HS3ST4: variants seen among roughly 807,000 people sequenced by gnomAD.
HS3ST4 encodes heparan sulfate-glucosamine 3-sulfotransferase 4.
HS3ST4 carries 17 observed loss-of-function variants against 29.2 expected under a neutral mutation model. The observed-to-expected ratio is 0.58, with a 90% CI of 0.40 to 0.87. The LOEUF is 0.87. Ranked by LOEUF, HS3ST4 falls within the 40% of genes least tolerant of loss-of-function variation. HS3ST4 has a pLI of 0.00. For missense variants in HS3ST4, 627 were observed against 634.5 expected (o/e 0.99, Z 0.13); for synonymous variants, 314 against 285.7 (o/e 1.10, Z -1.00).
intron 1 of HS3ST4, among the ~76,000 whole-genome samples, chr16:25,976,163 G>A (rs1385889822): frequency 6.6e-6 from 1 of 152,146 alleles, no homozygotes; most frequent in African/African-American, 2.4e-5. Context: ...TATTAATTAG[G>A]TTAAAAACGT....
Position 25,828,242 on chromosome 16 carries a change from C to CTCTTTCTT in HS3ST4, c.734+135142_734+135149dup, listed in dbSNP as rs1174433355. 4.2e-3 allele frequency among the ~76,000 whole-genome samples: 312 copies of CTCTTTCTT among 74,920 alleles called. 3 individuals are homozygous for CTCTTTCTT. Among genetic ancestry groups the CTCTTTCTT allele is most frequent in the South Asian group, 0.011 (20 of 1,744 alleles). The allele number at this position is 74,920 out of a possible 152,430, so 49.2% of individuals were successfully genotyped here. On this transcript the variant is annotated intron_variant, in intron 1 of 1. Coordinates refer to ENST00000331351, the MANE Select transcript of HS3ST4 (RefSeq NM_006040.3). ...CTTTCCTTTCTTTCTTTCTTTCTTT[C>CTCTTTCTT]TCTTTCTTTCTTTCTTTCTTTCTTT...
At chr16:26,095,473 C>T (rs1291895032) in intron 1 of HS3ST4, among the ~76,000 whole-genome samples, 8 of 152,176 alleles carry the variant, frequency 5.3e-5, no homozygotes, top group African/African-American at 1.2e-4. Flanking sequence ...CACTCAAAAT[C>T]GCACAACTAC....
intron 1 of HS3ST4, among the ~76,000 whole-genome samples, chr16:25,817,459 T>A (rs981303155): frequency 6.6e-6 from 1 of 152,204 alleles, no homozygotes; most frequent in Admixed American, 6.5e-5. Flanking sequence ...ATAGATAATA[T>A]GTAAATGAAT....
At chr16:25,889,118 A>T in intron 1 of HS3ST4, among the ~76,000 whole-genome samples, 1 of 152,174 alleles carries the variant, frequency 6.6e-6, no homozygotes, top group East Asian at 1.9e-4. Context: ...TCCCACTTCA[A>T]TATGCGCCAC....
intron 1 of HS3ST4, among the ~76,000 whole-genome samples, chr16:25,833,215 G>T (rs1967323143): frequency 6.6e-6 from 1 of 152,140 alleles, no homozygotes; most frequent in Non-Finnish European, 1.5e-5. Flanking sequence ...CATTGAAGTT[G>T]CATGCCCCTA....
At chr16:25,766,020 C>T (rs1966816848) in intron 1 of HS3ST4, among the ~76,000 whole-genome samples, 2 of 152,060 alleles carry the variant, frequency 1.3e-5, no homozygotes, top group Admixed American at 1.3e-4. Flanking sequence ...AGTCGGAAAT[C>T]CCAGAATGAT....
chr16:25,967,761 G>A (rs997151955), intron 1 of HS3ST4, among the ~76,000 whole-genome samples: 8 of 152,198 alleles, frequency 5.3e-5, no homozygotes, highest in African/African-American at 1.9e-4. Flanking sequence ...GCCTGGTGGT[G>A]GAGCTGGAAC....
At position 25,930,252 on chromosome 16, in the gene HS3ST4, G is replaced by A. The variant is rs1387875533; in HGVS notation, c.735-205360G>A. Among the ~76,000 whole-genome samples the A allele has an allele frequency of 2.6e-5, 4 of 152,260 alleles. No individual in the cohort carries two copies. In the South Asian group the frequency reaches 6.2e-4, roughly 24 times the overall value. ...AAATTTGCAAAGCTGCATGGAAGTG[G>A]CCTCACCTAAAGGATATAACTGTTT... On this transcript the variant is annotated intron_variant, in intron 1 of 1. Transcript: ENST00000331351.
chr16:26,086,372 C>T (rs1348158298), intron 1 of HS3ST4, among the ~76,000 whole-genome samples: 1 of 148,076 alleles, frequency 6.8e-6, no homozygotes, highest in Non-Finnish European at 1.5e-5. Context: ...TTTTTTGAGA[C>T]AGAGTCTTGC....
At chr16:26,060,085 A>G (rs909737251) in intron 1 of HS3ST4, among the ~76,000 whole-genome samples, 4 of 152,040 alleles carry the variant, frequency 2.6e-5, no homozygotes, top group Admixed American at 2.0e-4. Flanking sequence ...GCCTATTACT[A>G]TTATTTTTAC....
chr16:26,030,501 G>A (rs1453232048), intron 1 of HS3ST4, among the ~76,000 whole-genome samples: 1 of 152,214 alleles, frequency 6.6e-6, no homozygotes, highest in Non-Finnish European at 1.5e-5. Context: ...GCCATGGCTG[G>A]TGCATAGTAG....
chr16:25,703,996 C>G (rs1459277874), intron 1 of HS3ST4, among the ~76,000 whole-genome samples: 2 of 152,228 alleles, frequency 1.3e-5, no homozygotes. Flanking sequence ...AGAAGGTAAA[C>G]TGCATAGGAC....
At chr16:26,035,311 A>T (rs958304043) in intron 1 of HS3ST4, among the ~76,000 whole-genome samples, 1 of 152,138 alleles carries the variant, frequency 6.6e-6, no homozygotes, top group Non-Finnish European at 1.5e-5. Context: ...TTGACTTCAG[A>T]GTTATCATCT....
At chr16:25,713,373 C>A (rs761213803) in intron 1 of HS3ST4, among the ~76,000 whole-genome samples, 1 of 151,840 alleles carries the variant, frequency 6.6e-6, no homozygotes, top group East Asian at 1.9e-4. Flanking sequence ...ACAAAAAATA[C>A]GAAAATGAGC....
At chr16:25,945,588 G>T (rs1363947918) in intron 1 of HS3ST4, among the ~76,000 whole-genome samples, 1 of 152,162 alleles carries the variant, frequency 6.6e-6, no homozygotes, top group Non-Finnish European at 1.5e-5. Flanking sequence ...AAAGCAGTCA[G>T]TACAGTTTCT....
At chr16:25,711,361 T>C (rs1438761143) in intron 1 of HS3ST4, among the ~76,000 whole-genome samples, 2 of 151,674 alleles carry the variant, frequency 1.3e-5, no homozygotes, top group African/African-American at 4.8e-5. Flanking sequence ...GTGTATTCTT[T>C]AAAAGGAAAG....
chr16:26,046,189 C>T (rs939726885), intron 1 of HS3ST4, among the ~76,000 whole-genome samples: 3 of 139,120 alleles, frequency 2.2e-5, no homozygotes, highest in Non-Finnish European at 4.6e-5. Context: ...ATCGCTCTAT[C>T]GCCCAGGCTG....
At chr16:25,707,354 C>T (rs1385291983) in intron 1 of HS3ST4, among the ~76,000 whole-genome samples, 1 of 152,102 alleles carries the variant, frequency 6.6e-6, no homozygotes, top group Non-Finnish European at 1.5e-5. Flanking sequence ...ATAATTCTAT[C>T]TTATTATGAG....
intron 1 of HS3ST4, among the ~76,000 whole-genome samples, chr16:25,978,077 C>T (rs1372536029): frequency 2.0e-5 from 3 of 152,284 alleles, no homozygotes; most frequent in African/African-American, 2.4e-5. Flanking sequence ...CATGCAGGAA[C>T]GTGGTAGAGG....
Sources: allele counts gnomAD v4.1 joint callset (sites outside exome capture counted in the v4.1 genomes callset), GRCh38; gene constraint gnomAD v4.1.1; transcripts MANE v1.5; gene names NCBI Gene and HGNC (gene_info 2026-07-23, HGNC 2026-07-21).